RTN1: variants seen among roughly 807,000 people sequenced by gnomAD.
The protein encoded by RTN1 is reticulon 1, also known as reticulon-1.
A neutral mutation model predicts 65.5 loss-of-function variants in RTN1; 25 were observed. The observed-to-expected ratio is 0.38, with a 90% CI of 0.28 to 0.53. RTN1 has a LOEUF of 0.53. Among genes scored for constraint, RTN1 ranks in the 20% least tolerant of loss-of-function variants. The probability of loss-of-function intolerance (pLI) is 0.79; values close to 1 mark genes in which losing one functional copy is unlikely to be tolerated. For synonymous variants in RTN1, 471 were observed against 447.6 expected, an observed-to-expected ratio of 1.05 and a Z score of -0.66; for missense variants, 983 against 1,025.4, an observed-to-expected ratio of 0.96 and a Z score of 0.57.
At chr14:59,746,611 C>G (rs1195178409) in intron 1 of RTN1, 130 bp from the exon 2 acceptor site, 1 of 706,506 alleles carries the variant, frequency 1.4e-6, no homozygotes, top group East Asian at 2.6e-5. Flanking sequence ...GGAGTTCCCT[C>G]GGAGCTCCCT....
intron 1 of RTN1, among the ~76,000 whole-genome samples, chr14:59,838,743 G>C (rs1056782168): frequency 7.9e-5 from 12 of 152,064 alleles, no homozygotes; most frequent in African/African-American, 2.7e-4. Flanking sequence ...GTACATAACT[G>C]TAGGCAACAC....
At chr14:59,749,220 C>CTATATATATCTATATATATATCTA (rs1441023847) in intron 1 of RTN1, among the ~76,000 whole-genome samples, 1 of 55,902 alleles carries the variant, frequency 1.8e-5, no homozygotes, top group Non-Finnish European at 2.8e-5. Flanking sequence ...CTATATATAT[C>CTATATATATCTATATATATATCTA]TATATATCTA....
chr14:59,670,157 G>A (rs1883472060), intron 3 of RTN1, among the ~76,000 whole-genome samples: 1 of 152,180 alleles, frequency 6.6e-6, no homozygotes, highest in South Asian at 2.1e-4. Context: ...ATAGTGCCTA[G>A]TGCAATAGTG....
chr14:59,793,700 A>G (rs1209399042), intron 1 of RTN1, among the ~76,000 whole-genome samples: 1 of 151,970 alleles, frequency 6.6e-6, no homozygotes, highest in Non-Finnish European at 1.5e-5. Context: ...AGCTACCCAG[A>G]TACACATTCT....
At chr14:59,744,883 A>T (rs1885183490) in intron 2 of RTN1, among the ~76,000 whole-genome samples, 1 of 152,128 alleles carries the variant, frequency 6.6e-6, no homozygotes, top group Non-Finnish European at 1.5e-5. Flanking sequence ...CCTGTGCTAT[A>T]GTTTGAATGT....
chr14:59,642,825 C>T (rs1384952643), intron 3 of RTN1, among the ~76,000 whole-genome samples: 1 of 152,060 alleles, frequency 6.6e-6, no homozygotes, highest in African/African-American at 2.4e-5. Flanking sequence ...TTGTTGGTCT[C>T]ATGTTTTTGC....
At chr14:59,637,321 T>A (rs1165184711) in intron 3 of RTN1, among the ~76,000 whole-genome samples, 1 of 152,238 alleles carries the variant, frequency 6.6e-6, no homozygotes. Flanking sequence ...TTCAGTCATA[T>A]CTTTGGGCTC....
intron 1 of RTN1, among the ~76,000 whole-genome samples, chr14:59,844,205 C>T (rs1887365624): frequency 6.6e-6 from 1 of 152,144 alleles, no homozygotes; most frequent in Non-Finnish European, 1.5e-5. Flanking sequence ...TGTACGCTCC[C>T]GAACTCACGT....
At chr14:59,788,598 A>AT (rs1886293812) in intron 1 of RTN1, among the ~76,000 whole-genome samples, 1 of 152,170 alleles carries the variant, frequency 6.6e-6, no homozygotes, top group South Asian at 2.1e-4. Context: ...AGTTAAATAC[A>AT]TTGGTCATGT....
In RTN1 at chr14:59,727,554, A is replaced by C. The variant is rs779960652; in HGVS notation, c.1130T>G (p.Val377Gly). 2 of 1,609,976 alleles carry C rather than the reference A, an allele frequency of 1.2e-6. No homozygotes were observed. Among genetic ancestry groups the C allele is most frequent in the Admixed American group, 1.7e-5 (1 of 59,746 alleles). Residue 377 changes from valine to glycine, a missense_variant, in exon 3 of 9, where the codon GTG becomes GGG. Around this residue, in one of 2 missense-constraint regions of RTN1, gnomAD observed 818 missense variants for 801.8 expected, o/e 1.02. Transcript: ENST00000267484. The surrounding 1 kb of genome is among the most constrained non-coding windows in gnomAD (Gnocchi z 4.2). Reference protein sequence around the residue: ...SYETAENPRPVGQLADRPEVK... With the variant: ...SYETAENPRPGGQLADRPEVK... The stretch of plus-strand genomic sequence containing the variant: ...CTCGGGCCTGTCGGCCAGCTGGCCC[A>C]CCGGCCGTGGGTTCTCGGCGGTTTC...
intron 1 of RTN1, among the ~76,000 whole-genome samples, chr14:59,833,851 A>C (rs76952798): frequency 0.012 from 1,841 of 152,356 alleles, 33 homozygotes; most frequent in African/African-American, 0.041. Flanking sequence ...AGCAAATGCT[A>C]TCTCTGAAAC....
intron 3 of RTN1, among the ~76,000 whole-genome samples, chr14:59,722,024 T>C (rs1160841817): frequency 6.6e-6 from 1 of 152,254 alleles, no homozygotes; most frequent in African/African-American, 2.4e-5. Context: ...TGTATCTTTC[T>C]AACTCTATTT....
chr14:59,706,125 C>T (rs991204024), intron 3 of RTN1, among the ~76,000 whole-genome samples: 2 of 152,172 alleles, frequency 1.3e-5, no homozygotes, highest in African/African-American at 2.4e-5. Context: ...ACACCACACC[C>T]GACAGACATT....
intron 3 of RTN1, among the ~76,000 whole-genome samples, chr14:59,636,441 G>A (rs971814628): frequency 3.3e-5 from 5 of 152,220 alleles, no homozygotes; most frequent in Middle Eastern, 3.4e-3. Context: ...CGAGGCCCTC[G>A]CCAGACACTG....
chr14:59,798,048 T>C lies in RTN1; in HGVS notation c.242-51567A>G, dbSNP rs889247598. 2.6e-5 allele frequency among the ~76,000 whole-genome samples: 4 copies of C among 152,332 alleles called. No individual in the cohort carries two copies. In the East Asian group the frequency reaches 5.8e-4, roughly 22 times the overall value. On this transcript the variant is annotated intron_variant, in intron 1 of 8. Transcript: ENST00000267484. ...CATTTTAACAGAAAGAGCAGAGTCA[T>C]GATTCTTAGCATCCTCTTATCCTGG...
chr14:59,634,399 A>C lies in RTN1; in HGVS notation c.1766-26907T>G, dbSNP rs981710190. On this transcript the variant is annotated intron_variant, in intron 3 of 8. Transcript: ENST00000267484. Reference sequence around the variant, plus strand: ...TGAGAACTCTATGCCATATGGAATAAGGAAATTTTAAAAGGCAACCAGTTT... The same window carrying C: ...TGAGAACTCTATGCCATATGGAATACGGAAATTTTAAAAGGCAACCAGTTT... Among the ~76,000 whole-genome samples the C allele has an allele frequency of 9.9e-5, 15 of 152,246 alleles. 1 individual carries two copies. Among genetic ancestry groups the C allele is most frequent in the Middle Eastern group, 6.3e-3 (2 of 316 alleles).
chr14:59,703,662 C>T (rs1449867055), intron 3 of RTN1, among the ~76,000 whole-genome samples: 2 of 152,210 alleles, frequency 1.3e-5, no homozygotes, highest in Non-Finnish European at 2.9e-5. Flanking sequence ...TCTCCCCCTA[C>T]AAGAACGTAA....
rs540334797 is a variant in RTN1, at chr14:59,860,144, C to A, written c.241+10246G>T. Among the ~76,000 whole-genome samples the A allele has an allele frequency of 1.9e-4, 29 of 152,290 alleles. No individual in the cohort carries two copies. In the South Asian group the frequency reaches 3.5e-3, roughly 19 times the overall value. On this transcript the variant is annotated intron_variant, in intron 1 of 8. Transcript: ENST00000267484. ...CATGTCAGAGGTCTTCACAGTAGCC[C>A]CTCCCATCACAGGCCCCAAGGCCTA...
At chr14:59,758,520 T>C (rs758375823) in intron 1 of RTN1, among the ~76,000 whole-genome samples, 2 of 152,294 alleles carry the variant, frequency 1.3e-5, no homozygotes, top group African/African-American at 4.8e-5. Context: ...TTCTCCTCAA[T>C]TGAAAGGCTC....
Sources: gnomAD v4.1 joint callset for allele counts (sites outside exome capture counted in the v4.1 genomes callset) on GRCh38, gnomAD v4.1.1 for gene constraint, gnomAD v4.1.1 regional missense constraint, Gnocchi (gnomAD v3.1) non-coding constraint, MANE v1.5 for transcripts, NCBI Gene and HGNC (gene_info 2026-07-23, HGNC 2026-07-21) for gene names.